Variants in NKAIN2 observed in about 807,000 individuals in gnomAD.
The protein encoded by NKAIN2 is sodium/potassium-transporting ATPase subunit beta-1-interacting protein 2.
In NKAIN2, 14 loss-of-function variants were observed where a neutral mutation model predicts 32.6. The observed-to-expected ratio is 0.43, with a 90% CI of 0.28 to 0.67. The LOEUF (loss-of-function observed/expected upper bound fraction) is 0.67, where lower values mean the gene tolerates loss of function less well. NKAIN2 is among the 30% of genes least tolerant of loss of function. The probability of loss-of-function intolerance (pLI) is 0.17; values close to 1 mark genes in which losing one functional copy is unlikely to be tolerated. For synonymous variants in NKAIN2, 80 were observed against 87.2 expected (o/e 0.92, Z 0.46); for missense variants, 198 against 258.3 (o/e 0.77, Z 1.60).
At chr6:124,133,831 G>T (rs1364892680) in intron 1 of NKAIN2, among the ~76,000 whole-genome samples, 2 of 151,858 alleles carry the variant, frequency 1.3e-5, no homozygotes, top group Non-Finnish European at 2.9e-5. Context: ...ATTAAAGTCT[G>T]ATCCTTACGA....
chr6:124,419,346 T>A (rs1346621257), intron 3 of NKAIN2, among the ~76,000 whole-genome samples: 2 of 152,136 alleles, frequency 1.3e-5, no homozygotes, highest in African/African-American at 4.8e-5. Context: ...TGCCATAGTA[T>A]CAAACATGTC....
At chr6:124,460,732 A>G (rs920383325) in intron 3 of NKAIN2, among the ~76,000 whole-genome samples, 1 of 151,658 alleles carries the variant, frequency 6.6e-6, no homozygotes, top group Admixed American at 6.6e-5. Context: ...AATTTGGCTT[A>G]CTACTTGAAC....
intron 1 of NKAIN2, among the ~76,000 whole-genome samples, chr6:124,254,347 C>G (rs181041045): frequency 6.6e-6 from 1 of 152,288 alleles, no homozygotes; most frequent in African/African-American, 2.4e-5. Context: ...AAGGACATCC[C>G]TATGAGAGCA....
chr6:124,487,255 C>T lies in NKAIN2; in HGVS notation c.273+131908C>T, dbSNP rs541180479. On this transcript the variant is annotated intron_variant, in intron 3 of 6. Coordinates refer to ENST00000368417, the MANE Select transcript of NKAIN2 (RefSeq NM_001040214.3). Reference sequence around the variant, plus strand: ...AAAGAGCTGATAATCTTCTCATTTACCAAAGTTCCTTTAATGTATGAAAAA... The same window carrying T: ...AAAGAGCTGATAATCTTCTCATTTATCAAAGTTCCTTTAATGTATGAAAAA... 1.3e-5 allele frequency among the ~76,000 whole-genome samples: 2 copies of T among 152,092 alleles called. 1 individual carries two copies. The highest frequency in any genetic ancestry group is 4.2e-4 in the South Asian group (2 of 4,808).
At chr6:124,631,101 G>A (rs1783546920) in intron 3 of NKAIN2, among the ~76,000 whole-genome samples, 1 of 152,104 alleles carries the variant, frequency 6.6e-6, no homozygotes, top group Admixed American at 6.6e-5. Flanking sequence ...TTCTAGCTGT[G>A]AACAATCACT....
intron 3 of NKAIN2, among the ~76,000 whole-genome samples, chr6:124,611,208 T>G (rs1023508957): frequency 6.6e-6 from 1 of 152,172 alleles, no homozygotes; most frequent in Non-Finnish European, 1.5e-5. Flanking sequence ...TCTTCTTTAG[T>G]GATGTTAAAG....
At chr6:124,013,927 C>G (rs892355612) in intron 1 of NKAIN2, among the ~76,000 whole-genome samples, 2 of 152,070 alleles carry the variant, frequency 1.3e-5, no homozygotes, top group Non-Finnish European at 1.5e-5. Context: ...CATAGAATCT[C>G]CAGAAAGGAA....
At chr6:124,128,349 A>G (rs545550431) in intron 1 of NKAIN2, among the ~76,000 whole-genome samples, 106 of 152,322 alleles carry the variant, frequency 7.0e-4, no homozygotes, top group African/African-American at 2.5e-3. Flanking sequence ...CTGAGAAGCG[A>G]AGCATTTCAT....
intron 4 of NKAIN2, among the ~76,000 whole-genome samples, chr6:124,739,552 G>C (rs936269927): frequency 2.0e-5 from 3 of 151,816 alleles, no homozygotes; most frequent in Non-Finnish European, 4.4e-5. Flanking sequence ...ATAAAGATTG[G>C]AGCCAGCTCA....
intron 3 of NKAIN2, among the ~76,000 whole-genome samples, chr6:124,566,347 G>C (rs1780909695): frequency 6.6e-6 from 1 of 152,064 alleles, no homozygotes; most frequent in Non-Finnish European, 1.5e-5. Flanking sequence ...TTTTTCATTT[G>C]TTTGTATCTC....
chr6:124,515,704 T>A (rs1778882621), intron 3 of NKAIN2, among the ~76,000 whole-genome samples: 2 of 3,366 alleles, frequency 5.9e-4, no homozygotes, highest in Non-Finnish European at 0.031. Context: ...TCATTTTTCT[T>A]CGCTTTCTCT....
chr6:124,353,530 A>G (rs1798827168), intron 2 of NKAIN2, among the ~76,000 whole-genome samples: 1 of 152,170 alleles, frequency 6.6e-6, no homozygotes, highest in Admixed American at 6.5e-5. Context: ...CGAGACGGGC[A>G]GATCACAAGG....
chr6:124,687,777 C>CACACACAT (rs1774050651), intron 4 of NKAIN2, among the ~76,000 whole-genome samples: 3 of 144,808 alleles, frequency 2.1e-5, no homozygotes, highest in Non-Finnish European at 4.5e-5. Flanking sequence ...CACACACACA[C>CACACACAT]ACACATACTG....
At chr6:124,466,011 A>G (rs1044151154) in intron 3 of NKAIN2, among the ~76,000 whole-genome samples, 2 of 152,100 alleles carry the variant, frequency 1.3e-5, no homozygotes, top group Non-Finnish European at 2.9e-5. Context: ...ATGTATCAAT[A>G]TTTTTTTAAA....
At chr6:124,123,882 G>C (rs1052762028) in intron 1 of NKAIN2, among the ~76,000 whole-genome samples, 6 of 151,924 alleles carry the variant, frequency 3.9e-5, no homozygotes, top group Non-Finnish European at 8.8e-5. Flanking sequence ...AATGTTAAGA[G>C]ACATTGAGAG....
chr6:124,507,193 G>C (rs553715868), intron 3 of NKAIN2, among the ~76,000 whole-genome samples: 51 of 152,262 alleles, frequency 3.3e-4, no homozygotes, highest in African/African-American at 1.1e-3. Flanking sequence ...GTACGCGAGG[G>C]TTTGTTTCAC....
At chr6:124,145,567 G>T (rs1192364450) in intron 1 of NKAIN2, among the ~76,000 whole-genome samples, 4 of 151,878 alleles carry the variant, frequency 2.6e-5, no homozygotes, top group Non-Finnish European at 5.9e-5. Context: ...GTGCAATGGC[G>T]CCATCTCTGC....
chr6:123,949,113 G>T (rs1037377016), intron 1 of NKAIN2, among the ~76,000 whole-genome samples: 1 of 151,790 alleles, frequency 6.6e-6, no homozygotes, highest in Non-Finnish European at 1.5e-5. Context: ...CTGTTCCATT[G>T]GTCTATATGC....
intron 3 of NKAIN2, among the ~76,000 whole-genome samples, chr6:124,506,890 G>A (rs147451051): frequency 1.3e-5 from 2 of 152,286 alleles, no homozygotes; most frequent in East Asian, 3.9e-4. Context: ...GGCATTGTCT[G>A]TGTAGATATC....
Sources: gnomAD v4.1 joint callset for allele counts (sites outside exome capture counted in the v4.1 genomes callset) on GRCh38, gnomAD v4.1.1 for gene constraint, MANE v1.5 for transcripts, NCBI Gene and HGNC (gene_info 2026-07-23, HGNC 2026-07-21) for gene names.